Variants in ZZEF1 observed in about 807,000 individuals in gnomAD.
ZZEF1 encodes zinc finger ZZ-type and EF-hand domain-containing protein 1.
A neutral mutation model predicts 342.8 loss-of-function variants in ZZEF1; 157 were observed. The ratio of observed to expected loss-of-function variants is 0.46; its 90% CI spans 0.40 to 0.52. ZZEF1 has a LOEUF of 0.52. Ranked by LOEUF, ZZEF1 falls within the 20% of genes least tolerant of loss-of-function variation. The pLI is 0.00. For missense variants in ZZEF1, 3,480 were observed against 3,725.6 expected (o/e 0.93, Z 1.72); for synonymous variants, 1,505 against 1,429.1 (o/e 1.05, Z -1.20).
At chr17:4,039,275 C>A (rs1001025564) in intron 39 of ZZEF1, among the ~76,000 whole-genome samples, 6 of 150,956 alleles carry the variant, frequency 4.0e-5, no homozygotes. Flanking sequence ...CTAGACCAGC[C>A]TGTCCAACAC....
rs2055807885 is a variant in ZZEF1, at chr17:4,006,678, C to T, written c.*212G>A. On this transcript the variant is annotated 3_prime_UTR_variant, in exon 55 of 55. Transcript: ENST00000381638. Reference sequence around the variant, plus strand: ...ACCCTTTCTGAGGCATTCTGCACTGCTTGGCTTATTTTCACCATGCTACAG... The same window carrying T: ...ACCCTTTCTGAGGCATTCTGCACTGTTTGGCTTATTTTCACCATGCTACAG... The T allele has an allele frequency of 1.4e-5, 9 of 624,430 alleles. No homozygotes were observed. The highest frequency in any genetic ancestry group is 2.6e-5 in the Non-Finnish European group (9 of 347,142). 38.7% of individuals were successfully genotyped at this position (624,430 alleles called of 1,614,324 possible). A position where few individuals can be genotyped will look rare whatever the true frequency, so the allele number is the denominator to read the frequency against.
intron 52 of ZZEF1, among the ~76,000 whole-genome samples, chr17:4,011,129 C>CG (rs2055942065): frequency 6.6e-6 from 1 of 151,718 alleles, no homozygotes; most frequent in South Asian, 2.1e-4. Context: ...TGGCCAGGAG[C>CG]GGTGGCTCAT....
intron 30 of ZZEF1, among the ~76,000 whole-genome samples, chr17:4,059,842 T>TA (rs2057247197): frequency 6.6e-6 from 1 of 152,250 alleles, no homozygotes; most frequent in Non-Finnish European, 1.5e-5. Flanking sequence ...GACCTTGTTA[T>TA]CATGTGATGA....
At chr17:4,085,947 A>T (rs1011209660) in intron 15 of ZZEF1, 144 bp from the exon 16 acceptor site, 2 of 982,158 alleles carry the variant, frequency 2.0e-6, no homozygotes, top group Non-Finnish European at 1.4e-6. Flanking sequence ...GCCAGGCAGT[A>T]TAAAAAAATA....
chr17:4,107,148 T>C (rs953924573), intron 6 of ZZEF1, among the ~76,000 whole-genome samples: 1 of 152,240 alleles, frequency 6.6e-6, no homozygotes, highest in African/African-American at 2.4e-5. Flanking sequence ...TTTTTCCTCA[T>C]TGATATTTTT....
At position 4,064,465 on chromosome 17, in the gene ZZEF1, A is replaced by G. The variant is rs757379408; in HGVS notation, c.4614T>C (p.Phe1538=). The change falls in exon 29 of 55, where the codon TTT becomes TTC. Residue 1538 remains phenylalanine, a synonymous_variant. Transcript: ENST00000381638. ...FTRGRLRLLS[F]RSMEEARLVP... is the part of the protein sequence containing the mutation. ...CCAGTCTGGCCTCCTCCATGGATCG[A>G]AAGGAGAGCAGCCGGAGTCGCCCTC... 1.2e-6 allele frequency: 2 copies of G among 1,614,178 alleles called. No homozygotes were observed. Among genetic ancestry groups the G allele is most frequent in the South Asian group, 1.1e-5 (1 of 91,076 alleles).
At position 4,064,635 on chromosome 17, in the gene ZZEF1, G is replaced by C; in HGVS notation, c.4444C>G (p.Pro1482Ala). The change falls in exon 29 of 55, where the codon CCT (proline) becomes GCT (alanine). Residue 1482 changes from proline to alanine, a missense_variant. Pro to Ala is a conservative substitution (Grantham distance 27). Around this residue, in one of 5 missense-constraint regions of ZZEF1, gnomAD observed 1,528 missense variants for 1,624.1 expected, o/e 0.94. Transcript: ENST00000381638. ...ASVSPTEAAP[P>A]ATGDQSPGLG... Reference sequence around the variant, plus strand: ...CCAGGACTCTGGTCTCCTGTGGCAGGGGGTGCGGCTTCAGTGGGAGATACT... The same window carrying C: ...CCAGGACTCTGGTCTCCTGTGGCAGCGGGTGCGGCTTCAGTGGGAGATACT... 10 of 1,614,188 alleles carry C rather than the reference G, an allele frequency of 6.2e-6. No individual in the cohort carries two copies. Among genetic ancestry groups the C allele is most frequent in the Non-Finnish European group, 8.5e-6 (10 of 1,180,036 alleles).
intron 5 of ZZEF1, among the ~76,000 whole-genome samples, chr17:4,112,071 T>G (rs1459048504): frequency 1.8e-5 from 1 of 56,114 alleles, no homozygotes; most frequent in Non-Finnish European, 3.4e-5. Context: ...TATATATATA[T>G]ATATATATAT....
Position 4,049,765 on chromosome 17 carries a change from T to C in ZZEF1, c.5958A>G (p.Ser1986=). The part of the protein sequence containing the change: ...ALPVTVPTGA[S]EEQLEKKAVQ... ...CAGCTTTCTTCTCTAGCTGCTCCTCTGACGCTCCGGTGGGCACAGTGACTG... is the reference window on the plus strand; with the variant it reads ...CAGCTTTCTTCTCTAGCTGCTCCTCCGACGCTCCGGTGGGCACAGTGACTG... The change falls in exon 37 of 55, where the codon TCA becomes TCG. Residue 1986 remains serine, a synonymous_variant. Transcript: ENST00000381638. The C allele has an allele frequency of 6.2e-7, 1 of 1,614,198 alleles. No homozygotes were observed. The highest frequency in any genetic ancestry group is 8.5e-7 in the Non-Finnish European group (1 of 1,180,036).
At position 4,142,705 on chromosome 17, in the gene ZZEF1, A is replaced by AGCAAC; in HGVS notation, c.186_190dup (p.Leu64ArgfsTer91). On this transcript the variant is annotated frameshift_variant, in exon 1 of 55. Transcript: ENST00000381638. LOFTEE classifies it high-confidence loss of function. The stretch of plus-strand genomic sequence containing the variant: ...CAGCGACTCGCAGGGGGGTGTGGGC[A>AGCAAC]GCAACGCTGCAGCAGCCTCTCGCAG... 6.3e-7 allele frequency: 1 copy of AGCAAC among 1,599,790 alleles called. No individual in the cohort carries two copies.
intron 52 of ZZEF1, 45 bp from the exon 53 acceptor site, chr17:4,009,802 C>A: frequency 6.3e-7 from 1 of 1,597,248 alleles, no homozygotes; most frequent in South Asian, 1.1e-5. Flanking sequence ...GAGAGCCATG[C>A]CAAGGTCACA....
intron 34 of ZZEF1, among the ~76,000 whole-genome samples, chr17:4,053,841 C>T (rs1021199720): frequency 2.0e-5 from 3 of 152,096 alleles, no homozygotes; most frequent in African/African-American, 7.2e-5. Context: ...GTGGCTACAC[C>T]CAGCATGATA....
At chr17:4,021,836 T>G (rs999882495) in intron 44 of ZZEF1, among the ~76,000 whole-genome samples, 1 of 152,082 alleles carries the variant, frequency 6.6e-6, no homozygotes, top group African/African-American at 2.4e-5. Flanking sequence ...GCAGTCTAGA[T>G]TTACACATGC....
chr17:4,057,679 C>T (rs752678585), intron 32 of ZZEF1, among the ~76,000 whole-genome samples: 5 of 152,310 alleles, frequency 3.3e-5, no homozygotes, highest in Admixed American at 6.5e-5. Context: ...TCAGAGCTCA[C>T]GAGTTCACCA....
At position 4,062,795 on chromosome 17, in the gene ZZEF1, A is replaced by G. The variant is rs755617679; in HGVS notation, c.4841T>C (p.Leu1614Pro). ...ACAGGTCAGAAGTTCCAACAGGAAA[A>G]GTATGAAAGGTGGATGGAAGCAGTG... ...QPHCFHPPFI[L>P]FLLELLTCQK... Residue 1614 changes from leucine to proline, a missense_variant, in exon 30 of 55, where the codon CTT becomes CCT. Around this residue, in one of 5 missense-constraint regions of ZZEF1, gnomAD observed 1,528 missense variants for 1,624.1 expected, o/e 0.94. Transcript: ENST00000381638. The G allele has an allele frequency of 1.2e-6, 2 of 1,612,344 alleles. No homozygotes were observed. Among genetic ancestry groups the G allele is most frequent in the South Asian group, 1.1e-5 (1 of 90,742 alleles).
intron 42 of ZZEF1, among the ~76,000 whole-genome samples, chr17:4,028,923 G>A (rs185875569): frequency 4.9e-4 from 74 of 152,304 alleles, no homozygotes; most frequent in African/African-American, 1.7e-3. Flanking sequence ...ATGCAAGAGA[G>A]GCTGTACGAA....
rs2056126829 is a variant in ZZEF1 at position 4,017,152 on chromosome 17, T to C, written c.8001+219A>G. The C allele has an allele frequency of 3.4e-6, 2 of 587,312 alleles. No individual in the cohort carries two copies. Among genetic ancestry groups the C allele is most frequent in the Admixed American group, 3.4e-5 (1 of 29,632 alleles). The allele number at this position is 587,312 out of a possible 1,614,324, so 36.4% of individuals were successfully genotyped here. A position where few individuals can be genotyped will look rare whatever the true frequency, so the allele number is the denominator to read the frequency against. On this transcript the variant is annotated intron_variant, in intron 48 of 54. Coordinates refer to ENST00000381638, the MANE Select transcript of ZZEF1 (RefSeq NM_015113.4). This position sits in a 1 kb window ranked among gnomAD's most constrained non-coding sequence, Gnocchi z 5.1. Reference sequence around the variant, plus strand: ...GAAACTGGGAAGATGGCGACAAAGCTTTCTGGTTCAGCTGGAAATCGCGCT... The same window carrying C: ...GAAACTGGGAAGATGGCGACAAAGCCTTCTGGTTCAGCTGGAAATCGCGCT...
In ZZEF1 at chr17:4,017,879, C is replaced by G. The variant is rs371412362; in HGVS notation, c.7598G>C (p.Ser2533Thr). 6.2e-7 allele frequency: 1 copy of G among 1,614,174 alleles called. No homozygotes were observed. The highest frequency in any genetic ancestry group is 8.5e-7 in the Non-Finnish European group (1 of 1,180,044). ...PSKSLRLEEQ[S>T]AKAVDTDMII... ...CATGTCTGTATCCACAGCTTTGGCG[C>G]TCTGTTCTTCCAGCCTCAGACTCTT... Residue 2533 changes from serine to threonine, a missense_variant, in exon 47 of 55, where the codon AGC becomes ACC. By Grantham distance (58) the Ser-to-Thr change is moderately conservative. Transcript: ENST00000381638. The surrounding 1 kb of genome is among the most constrained non-coding windows in gnomAD (Gnocchi z 5.1).
intron 43 of ZZEF1, among the ~76,000 whole-genome samples, chr17:4,023,395 C>T (rs1395198809): frequency 1.3e-5 from 2 of 152,162 alleles, no homozygotes; most frequent in African/African-American, 2.4e-5. Flanking sequence ...GCCCTTGGTG[C>T]TCAACAAATA....
Sources: gnomAD v4.1 joint callset for allele counts (sites outside exome capture counted in the v4.1 genomes callset) on GRCh38, gnomAD v4.1.1 for gene constraint, gnomAD v4.1.1 regional missense constraint, Gnocchi (gnomAD v3.1) non-coding constraint, MANE v1.5 for transcripts, NCBI Gene and HGNC (gene_info 2026-07-23, HGNC 2026-07-21) for gene names.